Variants in IFT74 observed in about 807,000 individuals in gnomAD.
The protein encoded by IFT74 is intraflagellar transport protein 74 homolog.
IFT74 carries 92 observed loss-of-function variants against 96.7 expected under a neutral mutation model. That is an observed-to-expected ratio of 0.95 (90% CI 0.80 to 1.13). The LOEUF is 1.13. IFT74 is among the 50% of genes most tolerant of loss of function. The pLI, the probability that IFT74 is intolerant of heterozygous loss-of-function variation, is 0.00. For missense variants in IFT74, 811 were observed against 698.2 expected (o/e 1.16, Z -1.82); for synonymous variants, 223 against 213.2 (o/e 1.05, Z -0.40).
intron 12 of IFT74, among the ~76,000 whole-genome samples, chr9:27,028,645 A>C (rs1008915396): frequency 1.3e-5 from 2 of 151,934 alleles, no homozygotes; most frequent in Non-Finnish European, 2.9e-5. Context: ...AGTCCCAGCT[A>C]TTCGGGAGGC....
chr9:27,051,427 G>A (rs1023230250), intron 16 of IFT74, among the ~76,000 whole-genome samples: 1 of 151,658 alleles, frequency 6.6e-6, no homozygotes, highest in African/African-American at 2.4e-5. Context: ...TTTTATTGTG[G>A]TAAAAAAACA....
rs754447168 is a variant in IFT74, at chr9:26,980,623, T to C, written c.305+4T>C. On this transcript the variant is annotated splice_donor_region_variant and intron_variant, in intron 4 of 19. Coordinates refer to ENST00000380062, the MANE Select transcript of IFT74 (RefSeq NM_025103.4). Reference sequence around the variant, plus strand: ...CTTACTATCTTGGGCTTCTTAGGTATGTTAAACATATCTTTTCATCCGTAT... The same window carrying C: ...CTTACTATCTTGGGCTTCTTAGGTACGTTAAACATATCTTTTCATCCGTAT... 6.3e-7 allele frequency: 1 copy of C among 1,575,618 alleles called. No individual in the cohort carries two copies. Among genetic ancestry groups the C allele is most frequent in the Non-Finnish European group, 8.7e-7 (1 of 1,146,568 alleles).
At chr9:26,973,407 G>A (rs964832342) in intron 2 of IFT74, among the ~76,000 whole-genome samples, 4 of 152,114 alleles carry the variant, frequency 2.6e-5, no homozygotes, top group Admixed American at 6.6e-5. Flanking sequence ...CGAAGGGAAT[G>A]GGGTATTGCT....
chr9:26,995,130 A>G (rs1389538704), intron 8 of IFT74: 2 of 154,442 alleles, frequency 1.3e-5, no homozygotes, highest in African/African-American at 4.8e-5. Flanking sequence ...ATATTAATAA[A>G]TCCTAAACTT....
intron 16 of IFT74, among the ~76,000 whole-genome samples, chr9:27,049,938 ATATAT>A (rs1819851250): frequency 6.6e-6 from 1 of 152,200 alleles, no homozygotes; most frequent in South Asian, 2.1e-4. Context: ...AATTTTAATA[ATATAT>A]TGTATTTAAA....
At chr9:27,003,205 G>T (rs901541236) in intron 8 of IFT74, among the ~76,000 whole-genome samples, 2 of 147,568 alleles carry the variant, frequency 1.4e-5, no homozygotes, top group Non-Finnish European at 3.0e-5. Context: ...TTTAGGGTTT[G>T]TTTTTTTTTT....
chr9:27,013,942 G>A (rs1023329404), intron 10 of IFT74, among the ~76,000 whole-genome samples: 8 of 152,216 alleles, frequency 5.3e-5, no homozygotes, highest in African/African-American at 9.6e-5. Context: ...TTGGCTGGGC[G>A]TGGTGGCTCA....
At chr9:27,037,803 A>G (rs937326670) in intron 13 of IFT74, among the ~76,000 whole-genome samples, 2 of 152,202 alleles carry the variant, frequency 1.3e-5, no homozygotes, top group Admixed American at 6.5e-5. Flanking sequence ...GGTGATGGCC[A>G]TCTTGTTCCT....
chr9:27,018,503 A>T, intron 11 of IFT74, 144 bp from the exon 12 acceptor site: 1 of 435,376 alleles, frequency 2.3e-6, no homozygotes, highest in Non-Finnish European at 4.2e-6. Context: ...TTAACTTCAA[A>T]GGTTGAAATC....
At chr9:26,961,057 CCAGATCCT>C (rs1826331611) in intron 1 of IFT74, among the ~76,000 whole-genome samples, 1 of 150,684 alleles carries the variant, frequency 6.6e-6, no homozygotes, top group African/African-American at 2.4e-5. Flanking sequence ...TGTTGCATTC[CCAGATCCT>C]CAGAAGAAGT....
chr9:26,967,850 T>C (rs1329596921), intron 2 of IFT74, among the ~76,000 whole-genome samples: 2 of 152,198 alleles, frequency 1.3e-5, no homozygotes, highest in African/African-American at 4.8e-5. Flanking sequence ...ACGGAAGGCT[T>C]TTGTCCTTCA....
intron 8 of IFT74, among the ~76,000 whole-genome samples, chr9:26,998,793 G>T (rs1298039596): frequency 6.6e-6 from 1 of 150,978 alleles, no homozygotes; most frequent in South Asian, 2.1e-4. Context: ...AGACCAGCCT[G>T]TCCAACACAG....
intron 16 of IFT74, among the ~76,000 whole-genome samples, chr9:27,051,467 T>TG (rs946576000): frequency 6.6e-6 from 1 of 152,230 alleles, no homozygotes; most frequent in African/African-American, 2.4e-5. Flanking sequence ...TTAACCATTT[T>TG]GAAGTATACA....
intron 8 of IFT74, among the ~76,000 whole-genome samples, chr9:27,005,852 T>A (rs1828747503): frequency 6.6e-6 from 1 of 152,188 alleles, no homozygotes; most frequent in Admixed American, 6.5e-5. Flanking sequence ...TTTTTTTTCT[T>A]TTTTTGAGAT....
At chr9:27,007,347 CTGT>C (rs1259065392) in intron 8 of IFT74, among the ~76,000 whole-genome samples, 1 of 152,152 alleles carries the variant, frequency 6.6e-6, no homozygotes, top group Non-Finnish European at 1.5e-5. Context: ...AGAAGAAACA[CTGT>C]TGGTAGTCAG....
intron 2 of IFT74, among the ~76,000 whole-genome samples, chr9:26,974,247 G>T (rs1591357): frequency 0.64 from 97,063 of 152,028 alleles, 31,424 homozygotes; most frequent in South Asian, 0.75. Context: ...TTGCTTTTCT[G>T]CGTCTCTCCT....
intron 8 of IFT74, chr9:26,993,900 G>T (rs927591696): frequency 6.6e-6 from 1 of 152,028 alleles, no homozygotes; most frequent in African/African-American, 2.4e-5. Context: ...ATACATATTT[G>T]TAAAAGATGT....
At position 27,009,168 on chromosome 9, in the gene IFT74, A is replaced by G; in HGVS notation, c.726+10A>G. On this transcript the variant is annotated intron_variant, in intron 9 of 19. Coordinates refer to ENST00000380062, the MANE Select transcript of IFT74 (RefSeq NM_025103.4). ...TGAGAAACTGTTACAGGTAATACAAATTACTGCTGTGTGCCAAGCATGTAT... is the reference window on the plus strand; with the variant it reads ...TGAGAAACTGTTACAGGTAATACAAGTTACTGCTGTGTGCCAAGCATGTAT... 6.2e-7 allele frequency: 1 copy of G among 1,608,006 alleles called. No homozygotes were observed. The highest frequency in any genetic ancestry group is 8.5e-7 in the Non-Finnish European group (1 of 1,177,012).
intron 1 of IFT74, among the ~76,000 whole-genome samples, chr9:26,957,799 CT>C (rs796171473): frequency 2.1e-3 from 305 of 144,822 alleles, no homozygotes; most frequent in African/African-American, 4.2e-3. Flanking sequence ...CTTTGTTTGC[CT>C]TTTTTTTTTT....
Sources: allele counts gnomAD v4.1 joint callset (sites outside exome capture counted in the v4.1 genomes callset), GRCh38; gene constraint gnomAD v4.1.1; transcripts MANE v1.5; gene names NCBI Gene and HGNC (gene_info 2026-07-23, HGNC 2026-07-21).